PLEKHH2: variants seen among roughly 807,000 people sequenced by gnomAD.
PLEKHH2 encodes pleckstrin homology domain-containing family H member 2.
A neutral mutation model predicts 187.9 loss-of-function variants in PLEKHH2; 129 were observed. The observed-to-expected ratio is 0.69, with a 90% CI of 0.59 to 0.79. PLEKHH2 has a LOEUF of 0.79. Among genes scored for constraint, PLEKHH2 ranks in the 30% least tolerant of loss-of-function variants. The probability of loss-of-function intolerance (pLI) is 0.00; values close to 1 mark genes in which losing one functional copy is unlikely to be tolerated. For synonymous variants in PLEKHH2, 686 were observed against 605.6 expected, an observed-to-expected ratio of 1.13 and a Z score of -1.95; for missense variants, 2,076 against 1,751.2, an observed-to-expected ratio of 1.19 and a Z score of -3.31.
At chr2:43,692,470 C>A in intron 3 of PLEKHH2, 44 bp from the exon 4 acceptor site, 1 of 1,473,124 alleles carries the variant, frequency 6.8e-7, no homozygotes, top group South Asian at 1.2e-5. Context: ...ACTGTGATAA[C>A]CTGAGTACAC....
intron 24 of PLEKHH2, among the ~76,000 whole-genome samples, chr2:43,749,299 T>A (rs1490895023): frequency 6.6e-6 from 1 of 152,232 alleles, no homozygotes; most frequent in African/African-American, 2.4e-5. Context: ...AAGGAATGTC[T>A]GGGTTGCCAT....
rs116442161 is a variant in PLEKHH2, at chr2:43,698,037, G to A, written c.688+681G>A. 8.3e-3 allele frequency among the ~76,000 whole-genome samples: 1,264 copies of A among 152,120 alleles called. 22 individuals are homozygous for A. The highest frequency in any genetic ancestry group is 0.029 in the African/African-American group (1,220 of 41,498). On this transcript the variant is annotated intron_variant, in intron 7 of 29. Coordinates refer to ENST00000282406, the MANE Select transcript of PLEKHH2 (RefSeq NM_172069.4). ...TGCCACCTCTAGCACAATCACTTTT[G>A]TTGACTTTCCCCAAATATTTTAGAG...
At chr2:43,642,732 C>T (rs995907065) in intron 1 of PLEKHH2, among the ~76,000 whole-genome samples, 3 of 151,864 alleles carry the variant, frequency 2.0e-5, no homozygotes, top group African/African-American at 7.3e-5. Context: ...GGTTTTTGTT[C>T]TTTATTCTTT....
intron 3 of PLEKHH2, among the ~76,000 whole-genome samples, chr2:43,691,210 G>T (rs1259655166): frequency 6.6e-6 from 1 of 152,194 alleles, no homozygotes; most frequent in Non-Finnish European, 1.5e-5. Flanking sequence ...CGACCAGGAA[G>T]AAGTAGTTGC....
intron 7 of PLEKHH2, among the ~76,000 whole-genome samples, chr2:43,698,564 T>C (rs1669208051): frequency 6.6e-6 from 1 of 152,254 alleles, no homozygotes; most frequent in East Asian, 1.9e-4. Flanking sequence ...GCATCTTTTT[T>C]TTGCCTTTTG....
At chr2:43,676,986 T>C (rs1031029794) in intron 2 of PLEKHH2, among the ~76,000 whole-genome samples, 1 of 152,182 alleles carries the variant, frequency 6.6e-6, no homozygotes, top group Admixed American at 6.5e-5. Flanking sequence ...TTGTTCTTAA[T>C]ATATGTTAAT....
intron 27 of PLEKHH2, 49 bp from the exon 28 acceptor site, chr2:43,762,255 G>C: frequency 7.4e-7 from 1 of 1,346,856 alleles, no homozygotes; most frequent in Non-Finnish European, 1.1e-6. Context: ...AAATATTCCT[G>C]TAATTTTGCT....
At chr2:43,756,940 T>C (rs891652024) in intron 25 of PLEKHH2, among the ~76,000 whole-genome samples, 179 bp from the exon 26 acceptor site, 2 of 152,156 alleles carry the variant, frequency 1.3e-5, no homozygotes, top group Non-Finnish European at 2.9e-5. Context: ...AAAATTATAA[T>C]TCAAATGTAA....
intron 2 of PLEKHH2, among the ~76,000 whole-genome samples, chr2:43,648,547 ATGTAATTACATTCGTG>A (rs1181654003): frequency 1.4e-5 from 2 of 142,692 alleles, no homozygotes. Flanking sequence ...GGTGACCTAA[ATGTAATTACATTCGTG>A]TGTGTGTGTG....
rs2104598085 is a variant in PLEKHH2, at chr2:43,742,638, T to C, written c.3222-103T>C. 3 of 847,132 alleles carry C rather than the reference T, an allele frequency of 3.5e-6. No homozygotes were observed. The South Asian group carries it at 8.2e-5, about 23-fold the overall frequency. The allele number at this position is 847,132 out of a possible 1,614,324, so 52.5% of individuals were successfully genotyped here. On this transcript the variant is annotated intron_variant, in intron 21 of 29. Coordinates refer to ENST00000282406, the MANE Select transcript of PLEKHH2 (RefSeq NM_172069.4). Reference sequence around the variant, plus strand: ...AAAAAAGTTACTGTCAAAATTAGCCTAATACATTGTGATAATGTACACGGA... The same window carrying C: ...AAAAAAGTTACTGTCAAAATTAGCCCAATACATTGTGATAATGTACACGGA...
At chr2:43,762,154 A>T (rs758769976) in intron 27 of PLEKHH2, 150 bp from the exon 28 acceptor site, 85 of 604,622 alleles carry the variant, frequency 1.4e-4, no homozygotes, top group Non-Finnish European at 2.3e-4. Context: ...CCGGTATACC[A>T]CCCTGCCTCT....
At chr2:43,760,520 G>A (rs999225260) in intron 27 of PLEKHH2, among the ~76,000 whole-genome samples, 1 of 151,808 alleles carries the variant, frequency 6.6e-6, no homozygotes, top group Non-Finnish European at 1.5e-5. Context: ...ACACCACCAC[G>A]CTCAGCTAAT....
intron 3 of PLEKHH2, among the ~76,000 whole-genome samples, chr2:43,682,939 T>TATACACAC (rs1553336233): frequency 0.016 from 2,394 of 149,828 alleles, 64 homozygotes; most frequent in African/African-American, 0.055. Context: ...GTTCCATATA[T>TATACACAC]ACACACACAC....
At chr2:43,659,436 A>T (rs1002529178) in intron 2 of PLEKHH2, among the ~76,000 whole-genome samples, 2 of 152,042 alleles carry the variant, frequency 1.3e-5, no homozygotes, top group Non-Finnish European at 2.9e-5. Context: ...AATCCTAAAC[A>T]TAAGAAATCT....
intron 19 of PLEKHH2, among the ~76,000 whole-genome samples, chr2:43,733,525 T>C (rs1045626905): frequency 6.6e-6 from 1 of 152,188 alleles, no homozygotes; most frequent in Admixed American, 6.5e-5. Flanking sequence ...TCCATCTCTT[T>C]CTTTTGGCTT....
intron 27 of PLEKHH2, among the ~76,000 whole-genome samples, chr2:43,760,798 T>A (rs1396816350): frequency 6.6e-6 from 1 of 152,188 alleles, no homozygotes; most frequent in African/African-American, 2.4e-5. Flanking sequence ...CAGTCCTCCC[T>A]CCTCCTCCCA....
rs540620716 is a variant in PLEKHH2, at chr2:43,694,497, A to G, written c.403A>G (p.Thr135Ala). The G allele has an allele frequency of 6.4e-7, 1 of 1,558,952 alleles. No homozygotes were observed. The highest frequency in any genetic ancestry group is 2.3e-5 in the East Asian group (1 of 43,020). The change falls in exon 5 of 30, where the codon ACA (threonine) becomes GCA (alanine). Residue 135 changes from threonine (T) to alanine (A), a missense_variant. Thr to Ala is a moderately conservative substitution (Grantham distance 58, BLOSUM62 0). Coordinates refer to ENST00000282406, the MANE Select transcript of PLEKHH2 (RefSeq NM_172069.4). ...AGCAGCTAAGATAAAAGAATGGGTA[A>G]CAGTTAAGTTAAATGAGGTATTTAT... is the stretch of plus-strand genomic sequence containing the variant. The part of the protein sequence containing the change: ...EKAAKIKEWV[T>A]VKLNELELEN...
intron 2 of PLEKHH2, among the ~76,000 whole-genome samples, chr2:43,657,565 G>T (rs149438318): frequency 8.5e-5 from 13 of 152,308 alleles, no homozygotes; most frequent in Admixed American, 4.6e-4. Flanking sequence ...CAGTTTTAAG[G>T]GAAGGGGAAA....
At chr2:43,682,425 G>C (rs778671874) in intron 3 of PLEKHH2, among the ~76,000 whole-genome samples, 2 of 151,968 alleles carry the variant, frequency 1.3e-5, no homozygotes, top group Non-Finnish European at 2.9e-5. Flanking sequence ...TCCTGCCTCA[G>C]CCTCCCGAGT....
Sources: allele counts gnomAD v4.1 joint callset (sites outside exome capture counted in the v4.1 genomes callset), GRCh38; gene constraint gnomAD v4.1.1; transcripts MANE v1.5; gene names NCBI Gene and HGNC (gene_info 2026-07-23, HGNC 2026-07-21).